TTLL3: variants seen among roughly 807,000 people sequenced by gnomAD.
TTLL3 encodes tubulin tyrosine ligase like 3, also known as tubulin monoglycylase TTLL3.
A neutral mutation model predicts 75.2 loss-of-function variants in TTLL3; 63 were observed. The observed-to-expected ratio is 0.84, with a 90% CI of 0.68 to 1.03. TTLL3 has a LOEUF of 1.03. Among genes scored for constraint, TTLL3 ranks in the 50% least tolerant of loss-of-function variants. The pLI is 0.00. For missense variants in TTLL3, 997 were observed against 1,069.9 expected (o/e 0.93, Z 0.95); for synonymous variants, 393 against 418.5 (o/e 0.94, Z 0.74).
At chr3:9,820,209 G>T (rs911235885) in intron 7 of TTLL3, 2 of 1,082,112 alleles carry the variant, frequency 1.8e-6, no homozygotes, top group African/African-American at 3.3e-5. Flanking sequence ...GGTTCACATA[G>T]GCCAAGACTC....
chr3:9,819,513 G>C, intron 7 of TTLL3: 1 of 988,348 alleles, frequency 1.0e-6, no homozygotes, highest in South Asian at 4.6e-5. Flanking sequence ...TCAGGTCTCT[G>C]AGGAGGAGGA....
rs371124551 is a variant in TTLL3 at position 9,816,059 on chromosome 3, C to T, written c.316-15C>T. 4 of 1,348,778 alleles carry T rather than the reference C, an allele frequency of 3.0e-6. No individual in the cohort carries two copies. In the African/African-American group the frequency reaches 5.9e-5, roughly 20 times the overall value. 83.6% of individuals were successfully genotyped at this position (1,348,778 alleles called of 1,614,324 possible). On this transcript the variant is annotated splice_polypyrimidine_tract_variant and intron_variant, in intron 4 of 13. Transcript: ENST00000685419. The stretch of plus-strand genomic sequence containing the variant: ...ACACTGGCCTCTGTGTTTCTGTCTC[C>T]TCCTGTCTCCCCAGTCCCGCATGGT...
chr3:9,832,210 C>T lies in TTLL3; in HGVS notation c.1684-894C>T, dbSNP rs1229957588. 3.3e-5 allele frequency among the ~76,000 whole-genome samples: 5 copies of T among 150,814 alleles called. No individual in the cohort carries two copies. In the East Asian group the frequency reaches 7.7e-4, roughly 23 times the overall value. On this transcript the variant is annotated intron_variant, in intron 11 of 13. Coordinates refer to ENST00000685419, the MANE Select transcript of TTLL3 (RefSeq NM_001387446.1). ...AAGCAATTCTCCTGCCTCGACCTCC[C>T]GAGTAGCTGGGATTACAGGTGCCTG...
rs201990608 is a variant in TTLL3, at chr3:9,827,052, C to T, written c.1059C>T (p.Pro353=). The T allele has an allele frequency of 2.1e-5, 34 of 1,614,060 alleles. No individual in the cohort carries two copies. In the East Asian group the frequency reaches 2.7e-4, roughly 13 times the overall value. ...TGCTGAAGCTGGTGAACGGCAACCC[C>T]GTGGTGATGAAGGACGGCAAGTGGG... ...EEMLKLVNGN[P]VVMKDGKWVV... The change falls in exon 10 of 14, where the codon CCC becomes CCT. Residue 353 remains proline, a synonymous_variant. Coordinates refer to ENST00000685419, the MANE Select transcript of TTLL3 (RefSeq NM_001387446.1).
intron 11 of TTLL3, among the ~76,000 whole-genome samples, chr3:9,831,001 C>T (rs1366715796): frequency 6.6e-6 from 1 of 152,046 alleles, no homozygotes; most frequent in Non-Finnish European, 1.5e-5. Context: ...TGGGGTTTCA[C>T]CATGTTAGCC....
chr3:9,819,240 A>G (rs1163049193), intron 7 of TTLL3: 3 of 331,322 alleles, frequency 9.1e-6, no homozygotes, highest in Non-Finnish European at 1.7e-5. Context: ...CCATCCATCT[A>G]TCCACTCCCT....
chr3:9,833,963 T>G (rs1016814759), intron 12 of TTLL3: 9 of 170,014 alleles, frequency 5.3e-5, no homozygotes, highest in African/African-American at 1.7e-4. Context: ...AATACAAAAA[T>G]TAGCCGAGTG....
chr3:9,818,711 A>G, intron 6 of TTLL3, 111 bp from the exon 7 acceptor site: 1 of 1,576,806 alleles, frequency 6.3e-7, no homozygotes, highest in South Asian at 1.1e-5. Flanking sequence ...GAGTCAGAAA[A>G]GGTAGAGTCA....
Position 9,829,397 on chromosome 3 carries a change from T to C in TTLL3, c.1683+2T>C. On this transcript the variant is annotated splice_donor_variant, in intron 11 of 13. Coordinates refer to ENST00000685419, the MANE Select transcript of TTLL3 (RefSeq NM_001387446.1). LOFTEE classifies it high-confidence loss of function. The stretch of plus-strand genomic sequence containing the variant: ...GCCTTTGAGCTCATCTATAAGCAGG[T>C]GAGGAGGTTGGGCCCAGGCAGGACC... 1 of 1,581,222 alleles carries C rather than the reference T, an allele frequency of 6.3e-7. No individual in the cohort carries two copies. The highest frequency in any genetic ancestry group is 8.6e-7 in the Non-Finnish European group (1 of 1,160,420).
At chr3:9,829,481 CAGACCCAGTTTA>C (rs2081333705) in intron 11 of TTLL3, 86 bp downstream of exon 11, 2 of 1,471,112 alleles carry the variant, frequency 1.4e-6, no homozygotes, top group Non-Finnish European at 1.8e-6. Context: ...ACTCTGCAGT[CAGACCCAGTTTA>C]AGACCCAGAT....
Position 9,810,345 on chromosome 3 carries a change from C to T in TTLL3, c.-91C>T, listed in dbSNP as rs1223584986. 1 of 1,424,802 alleles carries T rather than the reference C, an allele frequency of 7.0e-7. No individual in the cohort carries two copies. The highest frequency in any genetic ancestry group is 9.1e-7 in the Non-Finnish European group (1 of 1,103,792). 88.3% of individuals were successfully genotyped at this position (1,424,802 alleles called of 1,614,324 possible). ...ACGCCCAGGGCGCCTCGGATACCCA[C>T]CCCCTCGGCCCCCCGCACACCCCGG... On this transcript the variant is annotated 5_prime_UTR_variant, in exon 1 of 14. Coordinates refer to ENST00000685419, the MANE Select transcript of TTLL3 (RefSeq NM_001387446.1). This position sits in a 1 kb window ranked among gnomAD's most constrained non-coding sequence, Gnocchi z 4.4.
intron 12 of TTLL3, chr3:9,834,451 A>G: frequency 1.4e-6 from 1 of 729,886 alleles, no homozygotes; most frequent in Non-Finnish European, 2.4e-6. Flanking sequence ...AGTTTAAGGA[A>G]GTTGCCCAAG....
intron 11 of TTLL3, among the ~76,000 whole-genome samples, chr3:9,830,039 T>C (rs2081375304): frequency 6.6e-6 from 1 of 152,094 alleles, no homozygotes; most frequent in African/African-American, 2.4e-5. Flanking sequence ...TACAGGGTTT[T>C]GCCATGTTGG....
chr3:9,817,677 G>A lies in TTLL3; in HGVS notation c.477G>A (p.Pro159=), dbSNP rs367644529. Reference sequence around the variant, plus strand: ...TATGTCTCAATCTCCGGAATTTGCCGTGGTTTGATGAGGTTGATGCCAACT... The same window carrying A: ...TATGTCTCAATCTCCGGAATTTGCCATGGTTTGATGAGGTTGATGCCAACT... ...VGLCLNLRNL[P]WFDEVDANSF... Residue 159 remains proline (P), a synonymous_variant, in exon 6 of 14, where the codon CCG becomes CCA. Transcript: ENST00000685419. The A allele has an allele frequency of 1.6e-4, 261 of 1,614,032 alleles. No homozygotes were observed. The highest frequency in any genetic ancestry group is 9.9e-4 in the Middle Eastern group (6 of 6,072).
At chr3:9,820,842 C>A in intron 8 of TTLL3, 101 bp downstream of exon 8, 1 of 1,495,564 alleles carries the variant, frequency 6.7e-7, no homozygotes, top group Non-Finnish European at 8.9e-7. Flanking sequence ...GCCTCCCGCT[C>A]GTTTACCCCG....
In TTLL3 at chr3:9,820,568, G is replaced by C. The variant is rs778633045; in HGVS notation, c.681G>C (p.Gln227His). The change falls in exon 8 of 14, where the codon CAG becomes CAC. Residue 227 changes from glutamine to histidine, a missense_variant. Physicochemically the swap from Gln to His is conservative, Grantham distance 24. Coordinates refer to ENST00000685419, the MANE Select transcript of TTLL3 (RefSeq NM_001387446.1). ...EASGDKQPKK[Q>H]EKNPVLVSPE... is the part of the protein sequence containing the mutation. ...CAGGAGACAAGCAGCCCAAGAAACA[G>C]GAGAAAAACCCAGTGTTGGTGTCCC... The C allele has an allele frequency of 5.6e-6, 9 of 1,614,096 alleles. No homozygotes were observed. The South Asian group carries it at 9.9e-5, about 18-fold the overall frequency.
intron 3 of TTLL3, 41 bp downstream of exon 3, chr3:9,813,152 T>C (rs771679434): frequency 6.2e-7 from 1 of 1,601,146 alleles, no homozygotes; most frequent in Admixed American, 1.7e-5. Flanking sequence ...TGCTCCTGAG[T>C]CCTTTTCCTT....
chr3:9,824,354 C>T (rs559531932), intron 8 of TTLL3, among the ~76,000 whole-genome samples: 2 of 152,312 alleles, frequency 1.3e-5, no homozygotes, highest in South Asian at 4.1e-4. Flanking sequence ...CCTGGCTGAA[C>T]CACTCAACTT....
At chr3:9,827,458 A>G in intron 10 of TTLL3, 3 of 774,060 alleles carry the variant, frequency 3.9e-6, no homozygotes, top group Non-Finnish European at 5.9e-6. Context: ...GCTGGAGTGC[A>G]GTGGCATGGT....
Sources: allele counts gnomAD v4.1 joint callset (sites outside exome capture counted in the v4.1 genomes callset), GRCh38; gene constraint gnomAD v4.1.1; non-coding constraint Gnocchi (gnomAD v3.1); transcripts MANE v1.5; gene names NCBI Gene and HGNC (gene_info 2026-07-23, HGNC 2026-07-21).